Variants in NCR1 observed in about 807,000 individuals in gnomAD.
NCR1 encodes the protein natural cytotoxicity triggering receptor 1, also known as NK cell-activating receptor.
NCR1 carries 30 observed loss-of-function variants against 32.5 expected under a neutral mutation model. That is an observed-to-expected ratio of 0.92 (90% CI 0.69 to 1.25). NCR1 has a LOEUF of 1.25. NCR1 is among the 50% of genes most tolerant of loss of function. NCR1 has a pLI of 0.00. For synonymous variants in NCR1, 169 were observed against 143.4 expected (o/e 1.18, Z -1.28); for missense variants, 369 against 380.7 (o/e 0.97, Z 0.26).
intron 4 of NCR1, 40 bp from the exon 5 acceptor site, chr19:54,909,978 C>G: frequency 2.0e-6 from 3 of 1,523,836 alleles, no homozygotes; most frequent in Non-Finnish European, 2.7e-6. Context: ...CCGGAGGAAA[C>G]CAAAAACCCT....
intron 5 of NCR1, among the ~76,000 whole-genome samples, chr19:54,911,206 G>A (rs910315102): frequency 5.3e-5 from 8 of 151,884 alleles, no homozygotes; most frequent in South Asian, 2.1e-4. Flanking sequence ...AAAATTATCC[G>A]GGCGTGGTGG....
At chr19:54,898,876 T>C in the NCR1 span, among the ~76,000 whole-genome samples, 1 of 152,218 alleles carries the variant, frequency 6.6e-6, no homozygotes, top group African/African-American at 2.4e-5. Flanking sequence ...GGAATGGAAC[T>C]GTAAGCTGGA....
At chr19:54,916,702 ATTTTTTTTTTT>A (rs35842513), downstream of NCR1, among the ~76,000 whole-genome samples, 3 of 50,474 alleles carry the variant, frequency 5.9e-5, no homozygotes, top group African/African-American at 8.6e-5. Flanking sequence ...CAACTGTTCT[ATTTTTTTTTTT>A]TTTTTTTTTT....
At chr19:54,928,816 T>TC in the NCR1 span, among the ~76,000 whole-genome samples, 15 of 151,510 alleles carry the variant, frequency 9.9e-5, no homozygotes, top group Non-Finnish European at 1.9e-4. Context: ...GTTTTGTTTT[T>TC]TTTAAGGCAG....
the NCR1 span, chr19:54,927,746 T>C: frequency 2.5e-6 from 4 of 1,614,060 alleles, no homozygotes; most frequent in Non-Finnish European, 3.4e-6. Context: ...ATGCTGACAA[T>C]AGAAAGGCAT....
In NCR1 at chr19:54,912,693, A is replaced by G. The variant is rs2068037567; in HGVS notation, c.737A>G (p.His246Arg). 9.4e-6 allele frequency: 15 copies of G among 1,601,680 alleles called. No individual in the cohort carries two copies. The highest frequency in any genetic ancestry group is 1.3e-5 in the Non-Finnish European group (15 of 1,172,408). ...CACCCTGTTCTCCTGCCTACAGACC[A>G]TGCCCTCTGGGATCACACTGCCCAG... ...LTTETGLQKD[H>R]ALWDHTAQNL... Residue 246 changes from histidine to arginine, a missense_variant, in exon 7 of 7, where the codon CAT becomes CGT. Transcript: ENST00000291890.
Position 54,912,954 on chromosome 19 carries a change from C to T in NCR1, c.*83C>T, listed in dbSNP as rs548525550. The T allele has an allele frequency of 5.9e-6, 8 of 1,358,598 alleles. No individual in the cohort carries two copies. In the East Asian group the frequency reaches 2.0e-4, roughly 33 times the overall value. The allele number at this position is 1,358,598 out of a possible 1,614,324, so 84.2% of individuals were successfully genotyped here. On this transcript the variant is annotated 3_prime_UTR_variant, in exon 7 of 7. Transcript: ENST00000291890. The stretch of plus-strand genomic sequence containing the variant: ...GGCGGCGTGAGCTCTGTGTTGGACC[C>T]ACGGAGGAGGGAGTCACTGCAGGGA...
chr19:54,934,642 G>T, the NCR1 span: 1 of 1,613,354 alleles, frequency 6.2e-7, no homozygotes, highest in African/African-American at 1.3e-5. The surrounding 1 kb of genome is among the most constrained non-coding windows in gnomAD (Gnocchi z 6.7). Context: ...CTCCGGGGTG[G>T]CACAGTGACC....
the NCR1 span, chr19:54,930,448 C>A: frequency 6.1e-6 from 8 of 1,315,550 alleles, no homozygotes; most frequent in Non-Finnish European, 8.7e-6. Flanking sequence ...GGGGACAGAG[C>A]AAGACCCTGT....
At chr19:54,922,009 G>A in the NCR1 span, among the ~76,000 whole-genome samples, 1 of 151,696 alleles carries the variant, frequency 6.6e-6, no homozygotes, top group African/African-American at 2.4e-5. Context: ...CGATTCTCCT[G>A]CCTCAGCCTC....
At chr19:54,927,700 T>C in the NCR1 span, 3 of 1,614,106 alleles carry the variant, frequency 1.9e-6, no homozygotes, top group African/African-American at 2.7e-5. Context: ...GGTCCAGAGT[T>C]TCAAGCTTCT....
chr19:54,909,197 C>G, intron 3 of NCR1, 48 bp from the exon 4 acceptor site: 1 of 1,536,956 alleles, frequency 6.5e-7, no homozygotes, highest in Non-Finnish European at 8.8e-7. Context: ...AAATAGCTGG[C>G]TGCTCATCAC....
At chr19:54,927,157 G>A in the NCR1 span, among the ~76,000 whole-genome samples, 2 of 151,602 alleles carry the variant, frequency 1.3e-5, no homozygotes, top group African/African-American at 4.8e-5. Flanking sequence ...GGGAGGCCGA[G>A]GCAGGTGGCT....
At position 54,909,536 on chromosome 19, in the gene NCR1, T is replaced by C; in HGVS notation, c.634+13T>C. 6.3e-7 allele frequency: 1 copy of C among 1,597,514 alleles called. No individual in the cohort carries two copies. Among genetic ancestry groups the C allele is most frequent in the Admixed American group, 1.7e-5 (1 of 59,894 alleles). On this transcript the variant is annotated intron_variant, in intron 4 of 6. Transcript: ENST00000291890. ...CTCCTGGTCACAGGTGAGGAAATGC[T>C]CAATTCCCCACACCCTTCGCCGCCA...
chr19:54,933,552 A>C, the NCR1 span: 7 of 1,613,484 alleles, frequency 4.3e-6, no homozygotes, highest in African/African-American at 4.0e-5. Flanking sequence ...ACACACACAC[A>C]CCCAGCAGGG....
Position 54,906,785 on chromosome 19 carries a change from C to T in NCR1, c.333C>T (p.Asn111=). ...GGGAGCTCTGGTCAGAGCCCAGCAA[C>T]TTGCTGGATCTGGTGGTAACAGGTA... ...RVGELWSEPS[N]LLDLVVTEMY... is the part of the protein sequence containing the mutation. Residue 111 remains asparagine, a synonymous_variant, in exon 3 of 7, where the codon AAC becomes AAT. Coordinates refer to ENST00000291890, the MANE Select transcript of NCR1 (RefSeq NM_004829.7). 6.2e-7 allele frequency: 1 copy of T among 1,614,146 alleles called. No individual in the cohort carries two copies. The highest frequency in any genetic ancestry group is 1.1e-5 in the South Asian group (1 of 91,088).
At position 54,906,341 on chromosome 19, in the gene NCR1, C is replaced by T. The variant is rs867194518; in HGVS notation, c.70+7C>T. 3.1e-6 allele frequency: 5 copies of T among 1,613,302 alleles called. No individual in the cohort carries two copies. In the East Asian group the frequency reaches 1.1e-4, roughly 36 times the overall value. Reference sequence around the variant, plus strand: ...AGGATCAGCGCCCAGCAGCGTGAGTCCTTCCTTCAAAGCCCAGGGTCACTC... The same window carrying T: ...AGGATCAGCGCCCAGCAGCGTGAGTTCTTCCTTCAAAGCCCAGGGTCACTC... On this transcript the variant is annotated splice_region_variant and intron_variant, in intron 2 of 6. Transcript: ENST00000291890.
chr19:54,899,375 G>A, the NCR1 span, among the ~76,000 whole-genome samples: 1 of 151,914 alleles, frequency 6.6e-6, no homozygotes, highest in Admixed American at 6.6e-5. Flanking sequence ...AGGAATGGAG[G>A]GTGGAAGGTT....
At chr19:54,914,906 A>AT (rs1398425671), downstream of NCR1, among the ~76,000 whole-genome samples, 1 of 151,262 alleles carries the variant, frequency 6.6e-6, no homozygotes, top group Admixed American at 6.6e-5. Context: ...CACCCGGTTA[A>AT]TTTTTTTTGC....
Sources: allele counts gnomAD v4.1 joint callset (sites outside exome capture counted in the v4.1 genomes callset), GRCh38; gene constraint gnomAD v4.1.1; non-coding constraint Gnocchi (gnomAD v3.1); transcripts MANE v1.5; gene names NCBI Gene and HGNC (gene_info 2026-07-23, HGNC 2026-07-21).